Variants in ZNF469 observed in about 807,000 individuals in gnomAD.
ZNF469 encodes zinc finger protein 469.
In ZNF469, 1 loss-of-function variant was observed where a neutral mutation model predicts 1.0. That is an observed-to-expected ratio of 1.00 (90% CI 0.35 to 4.73). The LOEUF (loss-of-function observed/expected upper bound fraction) is 4.73, where lower values mean the gene tolerates loss of function less well. Ranked by LOEUF, ZNF469 falls within the 30% of genes most tolerant of loss-of-function variation. The pLI, the probability that ZNF469 is intolerant of heterozygous loss-of-function variation, is 0.16. For missense variants in ZNF469, 6,100 were observed against 5,356.3 expected, an observed-to-expected ratio of 1.14 and a Z score of -4.33; for synonymous variants, 2,703 against 2,363.4, an observed-to-expected ratio of 1.14 and a Z score of -4.17.
At chr16:88,313,990 T>C in the ZNF469 span, among the ~76,000 whole-genome samples, 2 of 150,028 alleles carry the variant, frequency 1.3e-5, no homozygotes, top group East Asian at 4.0e-4. Flanking sequence ...GTGATTATGA[T>C]GATGCTGGTG....
chr16:88,217,519 C>T, the ZNF469 span, among the ~76,000 whole-genome samples: 3 of 148,192 alleles, frequency 2.0e-5, no homozygotes, highest in South Asian at 2.2e-4. Context: ...TATACATGTG[C>T]CATGCTGGTG....
the ZNF469 span, among the ~76,000 whole-genome samples, chr16:88,141,910 C>T: frequency 1.3e-5 from 2 of 152,196 alleles, no homozygotes; most frequent in Non-Finnish European, 2.9e-5. Flanking sequence ...CCGTGAGAGC[C>T]GGTTGGGCTT....
At chr16:88,398,835 G>C (rs1056600353) in intron 1 of ZNF469, among the ~76,000 whole-genome samples, 8 of 152,236 alleles carry the variant, frequency 5.3e-5, no homozygotes, top group Non-Finnish European at 1.2e-4. Context: ...GGTCAGGGCA[G>C]ATCTGAGGAA....
At chr16:88,259,603 C>T in the ZNF469 span, among the ~76,000 whole-genome samples, 2 of 152,178 alleles carry the variant, frequency 1.3e-5, no homozygotes, top group African/African-American at 4.8e-5. The surrounding 1 kb of genome is among the most constrained non-coding windows in gnomAD (Gnocchi z 4.1). Flanking sequence ...ACCCCAGAAT[C>T]CCTATGAGCC....
chr16:88,348,958 C>G, the ZNF469 span, among the ~76,000 whole-genome samples: 6,977 of 152,290 alleles, frequency 0.046, 244 homozygotes, highest in South Asian at 0.15. Context: ...ACAGCCCCCA[C>G]AGCCAGTCCT....
the ZNF469 span, among the ~76,000 whole-genome samples, chr16:88,189,907 G>A: frequency 2.3e-4 from 35 of 152,176 alleles, no homozygotes; most frequent in South Asian, 6.0e-3. The surrounding 1 kb of genome is among the most constrained non-coding windows in gnomAD (Gnocchi z 4.3). Flanking sequence ...TGACAGAGTG[G>A]GACTGTGTCG....
the ZNF469 span, among the ~76,000 whole-genome samples, chr16:88,256,896 T>TCTCTCTCTCTCTCTCTCTC: frequency 1.0e-3 from 27 of 27,120 alleles, 2 homozygotes; most frequent in Non-Finnish European, 1.2e-3. Context: ...TTTTCTTTCC[T>TCTCTCTCTCTCTCTCTCTC]TCTTTCTTTC....
At chr16:88,405,840 G>C (rs1243014518) in intron 1 of ZNF469, among the ~76,000 whole-genome samples, 1 of 152,224 alleles carries the variant, frequency 6.6e-6, no homozygotes, top group Non-Finnish European at 1.5e-5. Context: ...CAGCCCTGCA[G>C]CTCTTGGCCT....
chr16:88,439,206 C>A lies in ZNF469; in HGVS notation c.11736C>A (p.His3912Gln), dbSNP rs1906831914. ...CCCCCAAGAGGGGCACAGCTGTCCA[C>A]GGTGCTGAACCTGCCGAGCCACACA... ...LRPPKRGTAV[H>Q]GAEPAEPHTH... Residue 3912 changes from histidine to glutamine, a missense_variant, in exon 3 of 3, where the codon CAC (histidine) becomes CAA (glutamine). Transcript: ENST00000565624. 1 of 1,549,984 alleles carries A rather than the reference C, an allele frequency of 6.5e-7. No homozygotes were observed. The highest frequency in any genetic ancestry group is 8.7e-7 in the Non-Finnish European group (1 of 1,146,804).
At chr16:88,231,961 G>A in the ZNF469 span, among the ~76,000 whole-genome samples, 1 of 152,154 alleles carries the variant, frequency 6.6e-6, no homozygotes, top group Non-Finnish European at 1.5e-5. The surrounding 1 kb of genome is among the most constrained non-coding windows in gnomAD (Gnocchi z 4.5). Context: ...GCAGGAGGCA[G>A]GGAATGAACA....
intron 1 of ZNF469, among the ~76,000 whole-genome samples, chr16:88,412,494 C>A (rs1178714164): frequency 6.6e-6 from 1 of 152,230 alleles, no homozygotes. Context: ...GCTTTTCCTG[C>A]TCCAATGGCG....
At chr16:88,392,122 T>C (rs1227971917) in intron 1 of ZNF469, among the ~76,000 whole-genome samples, 2 of 152,260 alleles carry the variant, frequency 1.3e-5, no homozygotes, top group Non-Finnish European at 2.9e-5. Context: ...TTAATTGTAT[T>C]GTATCTGCAA....
At chr16:88,237,524 C>G in the ZNF469 span, among the ~76,000 whole-genome samples, 3 of 122,184 alleles carry the variant, frequency 2.5e-5, no homozygotes, top group Admixed American at 2.4e-4. Flanking sequence ...TCCTGCCACG[C>G]ACCCTCCCTG....
At chr16:88,246,473 T>A in the ZNF469 span, among the ~76,000 whole-genome samples, 2 of 152,194 alleles carry the variant, frequency 1.3e-5, no homozygotes, top group Non-Finnish European at 2.9e-5. Context: ...CCTGTAGGCA[T>A]CAATCAGGCA....
the ZNF469 span, among the ~76,000 whole-genome samples, chr16:88,235,434 C>T: frequency 6.6e-6 from 1 of 152,268 alleles, no homozygotes; most frequent in Non-Finnish European, 1.5e-5. Flanking sequence ...ACCAGCCCTC[C>T]CTGGCCCAGA....
chr16:88,190,209 C>T, the ZNF469 span, among the ~76,000 whole-genome samples: 8 of 152,146 alleles, frequency 5.3e-5, no homozygotes, highest in African/African-American at 1.9e-4. Context: ...TTTCCTGGCC[C>T]AAAATGTTTT....
chr16:88,334,844 C>A, the ZNF469 span, among the ~76,000 whole-genome samples: 1 of 151,938 alleles, frequency 6.6e-6, no homozygotes, highest in Non-Finnish European at 1.5e-5. Flanking sequence ...CGGGAGGACA[C>A]ATGTGACAGA....
chr16:88,236,277 A>T, the ZNF469 span, among the ~76,000 whole-genome samples: 1 of 152,230 alleles, frequency 6.6e-6, no homozygotes, highest in Non-Finnish European at 1.5e-5. Context: ...GGGGCCGTTT[A>T]AAATTATGTC....
At chr16:88,288,538 A>G in the ZNF469 span, among the ~76,000 whole-genome samples, 2 of 152,304 alleles carry the variant, frequency 1.3e-5, no homozygotes, top group East Asian at 3.9e-4. Flanking sequence ...CATCACATTT[A>G]TTCATTAATT....
Sources: allele counts gnomAD v4.1 joint callset (sites outside exome capture counted in the v4.1 genomes callset), GRCh38; gene constraint gnomAD v4.1.1; non-coding constraint Gnocchi (gnomAD v3.1); transcripts MANE v1.5; gene names NCBI Gene and HGNC (gene_info 2026-07-23, HGNC 2026-07-21).